The following RANBP2 variants were observed in gnomAD, a reference collection of about 807,000 sequenced individuals.
RANBP2 encodes RAN binding protein 2, also known as E3 SUMO-protein ligase RanBP2.
A neutral mutation model predicts 303.6 loss-of-function variants in RANBP2; 57 were observed. The ratio of observed to expected loss-of-function variants is 0.19; its 90% CI spans 0.15 to 0.23. The LOEUF (loss-of-function observed/expected upper bound fraction) is 0.23. Among genes scored for constraint, RANBP2 ranks in the 10% least tolerant of loss-of-function variants. RANBP2 has a pLI of 1.00. For synonymous variants in RANBP2, 1,167 were observed against 1,301.5 expected, an observed-to-expected ratio of 0.90 and a Z score of 2.23; for missense variants, 3,138 against 3,780.8, an observed-to-expected ratio of 0.83 and a Z score of 4.46.
the RANBP2 span, among the ~76,000 whole-genome samples, chr2:109,176,634 G>C: frequency 6.6e-5 from 10 of 152,196 alleles, no homozygotes; most frequent in African/African-American, 2.4e-4. Context: ...CAACCCAGAA[G>C]GCTGAGGCAG....
Position 108,740,581 on chromosome 2 carries a change from A to G in RANBP2, c.875A>G (p.His292Arg). The G allele has an allele frequency of 6.3e-7, 1 of 1,597,568 alleles. No individual in the cohort carries two copies. Among genetic ancestry groups the G allele is most frequent in the Non-Finnish European group, 8.5e-7 (1 of 1,179,780 alleles). The change falls in exon 7 of 29, where the codon CAT becomes CGT. Residue 292 changes from histidine to arginine, a missense_variant. Physicochemically the swap from His to Arg is conservative, Grantham distance 29. Coordinates refer to ENST00000283195, the MANE Select transcript of RANBP2 (RefSeq NM_006267.5). ...GAAATGAAAGGACATTTCTACATGC[A>G]TGCTGGTTCTCTGCTTTTGAAGATG... ...FLEMKGHFYMHAGSLLLKMGQ... is the reference protein window; with the variant it reads ...FLEMKGHFYMRAGSLLLKMGQ...
At chr2:108,909,759 G>T in the RANBP2 span, among the ~76,000 whole-genome samples, 2 of 152,186 alleles carry the variant, frequency 1.3e-5, no homozygotes, top group African/African-American at 4.8e-5. Context: ...TTAGAGCAGG[G>T]GCTGGTTCCA....
chr2:109,020,385 G>A, the RANBP2 span, among the ~76,000 whole-genome samples: 18 of 152,164 alleles, frequency 1.2e-4, no homozygotes, highest in Non-Finnish European at 2.6e-4. Flanking sequence ...TTAGAATTAC[G>A]TATAACAGCC....
At chr2:109,422,933 C>T in the RANBP2 span, among the ~76,000 whole-genome samples, 2 of 152,008 alleles carry the variant, frequency 1.3e-5, no homozygotes, top group East Asian at 1.9e-4. Context: ...AGGAGGAGGA[C>T]GAAACAGGCA....
chr2:109,514,492 G>A, the RANBP2 span, among the ~76,000 whole-genome samples: 5 of 152,282 alleles, frequency 3.3e-5, no homozygotes, highest in East Asian at 7.8e-4. Flanking sequence ...GTTCAGTGTG[G>A]GGCACTTGGC....
the RANBP2 span, among the ~76,000 whole-genome samples, chr2:108,919,380 C>T: frequency 6.6e-6 from 1 of 152,044 alleles, no homozygotes; most frequent in Non-Finnish European, 1.5e-5. Flanking sequence ...TATTTAGAGG[C>T]GGAGTTTCGC....
At chr2:109,440,354 C>T in the RANBP2 span, among the ~76,000 whole-genome samples, 12 of 152,090 alleles carry the variant, frequency 7.9e-5, no homozygotes, top group African/African-American at 2.2e-4. Flanking sequence ...GGATAGGGTG[C>T]GGGAGCAAAG....
the RANBP2 span, among the ~76,000 whole-genome samples, chr2:109,314,806 G>A: frequency 5.3e-5 from 8 of 152,152 alleles, no homozygotes; most frequent in African/African-American, 1.4e-4. Context: ...GACAGTACTG[G>A]CATCATATTT....
chr2:108,962,548 G>T, the RANBP2 span, among the ~76,000 whole-genome samples: 2 of 151,796 alleles, frequency 1.3e-5, no homozygotes, highest in African/African-American at 4.8e-5. Flanking sequence ...GGTGGCGGGC[G>T]CCTGTAGTCC....
the RANBP2 span, among the ~76,000 whole-genome samples, chr2:108,900,634 T>C: frequency 6.6e-6 from 1 of 151,632 alleles, no homozygotes; most frequent in Non-Finnish European, 1.5e-5. Flanking sequence ...TAGAGTAGAC[T>C]TAAAAATTTT....
the RANBP2 span, among the ~76,000 whole-genome samples, chr2:109,621,202 G>A: frequency 6.6e-6 from 1 of 152,158 alleles, no homozygotes; most frequent in Non-Finnish European, 1.5e-5. Context: ...TGCCAGGCTG[G>A]AGTGCAGTGG....
the RANBP2 span, among the ~76,000 whole-genome samples, chr2:109,663,322 A>G: frequency 6.6e-6 from 1 of 152,214 alleles, no homozygotes; most frequent in Non-Finnish European, 1.5e-5. Context: ...GAGCATGTCT[A>G]TCTCCTCCAT....
chr2:109,505,826 G>T, the RANBP2 span, among the ~76,000 whole-genome samples: 1 of 152,156 alleles, frequency 6.6e-6, no homozygotes, highest in Non-Finnish European at 1.5e-5. Flanking sequence ...CTCCCTAATA[G>T]AATTGATACC....
chr2:108,962,210 A>G, the RANBP2 span, among the ~76,000 whole-genome samples: 2 of 152,316 alleles, frequency 1.3e-5, no homozygotes, highest in East Asian at 3.9e-4. Context: ...GATTGCGCTG[A>G]GATGCTCGGA....
At chr2:109,222,676 C>T in the RANBP2 span, among the ~76,000 whole-genome samples, 1 of 152,230 alleles carries the variant, frequency 6.6e-6, no homozygotes, top group Non-Finnish European at 1.5e-5. Context: ...CTGGCCAGGC[C>T]TTCCCTGTAC....
chr2:108,791,513 TA>T, the RANBP2 span: 1 of 760,122 alleles, frequency 1.3e-6, no homozygotes, highest in Non-Finnish European at 2.3e-6. Flanking sequence ...CAGTGACTGT[TA>T]GTTTTTACGT....
the RANBP2 span, among the ~76,000 whole-genome samples, chr2:109,206,812 A>G: frequency 1.3e-5 from 2 of 152,200 alleles, no homozygotes. Flanking sequence ...GAGAGACACT[A>G]TTAGTTACTT....
chr2:109,165,869 C>T, the RANBP2 span, among the ~76,000 whole-genome samples: 1 of 152,242 alleles, frequency 6.6e-6, no homozygotes, highest in African/African-American at 2.4e-5. Flanking sequence ...TCTACGTGTG[C>T]CCAGGCTGGA....
rs1177464212 is a variant in RANBP2, at chr2:108,736,396, A to G, written c.782+147A>G. The G allele has an allele frequency of 2.1e-5, 31 of 1,472,726 alleles. No individual in the cohort carries two copies. The East Asian group carries it at 3.5e-4, about 17-fold the overall frequency. 91.2% of individuals were successfully genotyped at this position (1,472,726 alleles called of 1,614,324 possible). On this transcript the variant is annotated intron_variant, in intron 6 of 28. Transcript: ENST00000283195. ...TAATACAGTGAACAACTAGGAGGCA[A>G]TCTTATTTTTCTTCTTTTACGGGGA...
Sources: allele counts gnomAD v4.1 joint callset (sites outside exome capture counted in the v4.1 genomes callset), GRCh38; gene constraint gnomAD v4.1.1; transcripts MANE v1.5; gene names NCBI Gene and HGNC (gene_info 2026-07-23, HGNC 2026-07-21).